Variants in GABRG3 observed in about 807,000 individuals in gnomAD.
The protein encoded by GABRG3 is gamma-aminobutyric acid receptor subunit gamma-3.
A neutral mutation model predicts 48.8 loss-of-function variants in GABRG3; 25 were observed. The observed-to-expected ratio is 0.51, with a 90% confidence interval of 0.37 to 0.72. The LOEUF is 0.72. Ranked by LOEUF, GABRG3 falls within the 30% of genes least tolerant of loss-of-function variation. GABRG3 has a pLI of 0.00. For synonymous variants in GABRG3, 227 were observed against 217.6 expected (o/e 1.04, Z -0.38); for missense variants, 394 against 577.9 (o/e 0.68, Z 3.26).
At chr15:27,303,784 A>G (rs1251105079) in intron 3 of GABRG3, among the ~76,000 whole-genome samples, 2 of 151,420 alleles carry the variant, frequency 1.3e-5, no homozygotes, top group Non-Finnish European at 3.0e-5. Context: ...ATCTATGTAT[A>G]TACATATATC....
chr15:27,345,621 T>C (rs1894338670), intron 5 of GABRG3, among the ~76,000 whole-genome samples: 1 of 152,254 alleles, frequency 6.6e-6, no homozygotes, highest in Non-Finnish European at 1.5e-5. Context: ...GTTTCCTTTA[T>C]ACTTTCTCTA....
chr15:27,483,821 T>G (rs1890154619), intron 6 of GABRG3, among the ~76,000 whole-genome samples: 1 of 152,236 alleles, frequency 6.6e-6, no homozygotes. Context: ...CTGATGGTCT[T>G]GAACAGTCTC....
chr15:27,082,215 T>G (rs2140745580), intron 3 of GABRG3, among the ~76,000 whole-genome samples: 1 of 152,298 alleles, frequency 6.6e-6, no homozygotes, highest in East Asian at 1.9e-4. Flanking sequence ...TCAACAAGTG[T>G]CAGGCACAAA....
At chr15:27,087,166 T>A (rs1175675854) in intron 3 of GABRG3, among the ~76,000 whole-genome samples, 1 of 152,180 alleles carries the variant, frequency 6.6e-6, no homozygotes, top group Non-Finnish European at 1.5e-5. Context: ...GCGAGGGAGT[T>A]TGAGCTGATC....
chr15:27,274,363 G>A (rs1891184990), intron 3 of GABRG3, among the ~76,000 whole-genome samples: 1 of 152,124 alleles, frequency 6.6e-6, no homozygotes, highest in South Asian at 2.1e-4. Context: ...GAAGTTCGAG[G>A]GTATGGTCCT....
intron 5 of GABRG3, among the ~76,000 whole-genome samples, chr15:27,370,613 G>A (rs1282187368): frequency 1.3e-5 from 2 of 152,190 alleles, no homozygotes; most frequent in Non-Finnish European, 2.9e-5. Context: ...GACCACCTCA[G>A]AGGAGGAGTA....
chr15:27,465,342 A>G (rs1409402353), intron 5 of GABRG3, among the ~76,000 whole-genome samples: 1 of 133,242 alleles, frequency 7.5e-6, no homozygotes, highest in Admixed American at 7.3e-5. Context: ...GAAAATGGAT[A>G]CAAACGTAAG....
chr15:27,384,215 A>G (rs1190914855), intron 5 of GABRG3, among the ~76,000 whole-genome samples: 1 of 152,208 alleles, frequency 6.6e-6, no homozygotes, highest in Non-Finnish European at 1.5e-5. Flanking sequence ...GAAAATACCC[A>G]GGATACAGCA....
Position 26,974,687 on chromosome 15 carries a change from C to T in GABRG3, c.54-2315C>T, listed in dbSNP as rs932262908. 2.0e-5 allele frequency among the ~76,000 whole-genome samples: 3 copies of T among 152,056 alleles called. No homozygotes were observed. The highest frequency in any genetic ancestry group is 7.2e-5 in the African/African-American group (3 of 41,400). On this transcript the variant is annotated intron_variant, in intron 1 of 9. Coordinates refer to ENST00000615808, the MANE Select transcript of GABRG3 (RefSeq NM_033223.5). This position sits in a 1 kb window ranked among gnomAD's most constrained non-coding sequence, Gnocchi z 4.3. The stretch of plus-strand genomic sequence containing the variant: ...GGCCTCTCCTCACTGCCCCAGATGC[C>T]CTTGCTGTGGAGTGATTTGCCCTGT...
intron 3 of GABRG3, among the ~76,000 whole-genome samples, chr15:27,111,463 A>G (rs1007994423): frequency 2.0e-5 from 3 of 152,184 alleles, no homozygotes; most frequent in Non-Finnish European, 4.4e-5. Flanking sequence ...AAATCCAGAC[A>G]TGATGTGTTG....
At chr15:27,051,506 ATT>A (rs1566920835) in intron 3 of GABRG3, among the ~76,000 whole-genome samples, 1 of 152,260 alleles carries the variant, frequency 6.6e-6, no homozygotes, top group East Asian at 1.9e-4. Flanking sequence ...TGGGAAGGGG[ATT>A]AAGTCATGAG....
At chr15:27,453,256 C>T (rs1215609675) in intron 5 of GABRG3, among the ~76,000 whole-genome samples, 1 of 152,102 alleles carries the variant, frequency 6.6e-6, no homozygotes, top group African/African-American at 2.4e-5. Flanking sequence ...CCTGGAATTT[C>T]TAAGAGAGTA....
intron 3 of GABRG3, among the ~76,000 whole-genome samples, chr15:27,053,074 A>G (rs912599044): frequency 1.3e-5 from 2 of 152,252 alleles, no homozygotes; most frequent in African/African-American, 4.8e-5. Context: ...AAGAAAACCT[A>G]GGAAATACCC....
chr15:27,085,772 T>C (rs762779241), intron 3 of GABRG3, among the ~76,000 whole-genome samples: 1 of 152,238 alleles, frequency 6.6e-6, no homozygotes, highest in Non-Finnish European at 1.5e-5. Flanking sequence ...AATATCAAAA[T>C]GCTAATTTTA....
At position 27,189,507 on chromosome 15, in the gene GABRG3, A is replaced by C. The variant is rs570943835; in HGVS notation, c.271-137302A>C. ...TTGAAGCAATTGTGAATGGGAGTTC[A>C]CTCATGATTTGGCTCTCTGTTTGTC... On this transcript the variant is annotated intron_variant, in intron 3 of 9. Transcript: ENST00000615808. 7.9e-3 allele frequency among the ~76,000 whole-genome samples: 1,190 copies of C among 151,568 alleles called. 21 individuals are homozygous for C. Among genetic ancestry groups the C allele is most frequent in the African/African-American group, 0.027 (1,124 of 41,186 alleles).
At chr15:27,038,441 A>C (rs1248329796) in intron 3 of GABRG3, among the ~76,000 whole-genome samples, 1 of 152,068 alleles carries the variant, frequency 6.6e-6, no homozygotes, top group African/African-American at 2.4e-5. Context: ...TGAGGCTGGG[A>C]GTTTGATGAG....
At chr15:27,200,723 T>C (rs1888654331) in intron 3 of GABRG3, among the ~76,000 whole-genome samples, 2 of 152,212 alleles carry the variant, frequency 1.3e-5, no homozygotes, top group South Asian at 2.1e-4. Flanking sequence ...CTGTAACTTA[T>C]GTGCAATGAT....
intron 5 of GABRG3, among the ~76,000 whole-genome samples, chr15:27,449,161 G>A (rs1340735070): frequency 6.6e-6 from 1 of 152,224 alleles, no homozygotes; most frequent in Admixed American, 6.5e-5. Context: ...ACCAATAAGT[G>A]AAGGAAAGGA....
chr15:27,375,800 T>G (rs1294322599), intron 5 of GABRG3, among the ~76,000 whole-genome samples: 1 of 152,092 alleles, frequency 6.6e-6, no homozygotes, highest in African/African-American at 2.4e-5. Flanking sequence ...GAGATTTGGG[T>G]GGGGACACAG....
Sources: gnomAD v4.1 joint callset for allele counts (sites outside exome capture counted in the v4.1 genomes callset) on GRCh38, gnomAD v4.1.1 for gene constraint, Gnocchi (gnomAD v3.1) non-coding constraint, MANE v1.5 for transcripts, NCBI Gene and HGNC (gene_info 2026-07-23, HGNC 2026-07-21) for gene names.